Variants in ZNF644 observed in about 807,000 individuals in gnomAD.
ZNF644 encodes the protein zinc finger motif enhancer binding protein 2.
ZNF644 carries 20 observed loss-of-function variants against 108.0 expected under a neutral mutation model. The ratio of observed to expected loss-of-function variants is 0.19; its 90% CI spans 0.13 to 0.27. ZNF644 has a LOEUF of 0.27. Among genes scored for constraint, ZNF644 ranks in the 10% least tolerant of loss-of-function variants. The pLI is 1.00. For synonymous variants in ZNF644, 542 were observed against 539.1 expected, an observed-to-expected ratio of 1.01 and a Z score of -0.08; for missense variants, 1,338 against 1,548.9, an observed-to-expected ratio of 0.86 and a Z score of 2.29.
intron 1 of ZNF644, among the ~76,000 whole-genome samples, chr1:90,991,886 T>C (rs1336399370): frequency 2.6e-5 from 4 of 152,132 alleles, no homozygotes; most frequent in African/African-American, 9.7e-5. Flanking sequence ...GTCCATACCA[T>C]CCTTATTTGT....
chr1:90,937,318 A>T (rs1570373049), intron 4 of ZNF644, among the ~76,000 whole-genome samples, 167 bp downstream of exon 4: 3 of 152,006 alleles, frequency 2.0e-5, no homozygotes. Flanking sequence ...TCAATTGATG[A>T]GTTATACAGA....
chr1:90,962,099 C>T (rs1416987780), intron 2 of ZNF644, among the ~76,000 whole-genome samples: 1 of 152,014 alleles, frequency 6.6e-6, no homozygotes, highest in African/African-American at 2.4e-5. Flanking sequence ...GATAATTTGC[C>T]ACTCATGAAC....
At chr1:90,968,635 T>G (rs1231445494) in intron 2 of ZNF644, among the ~76,000 whole-genome samples, 1 of 152,186 alleles carries the variant, frequency 6.6e-6, no homozygotes, top group East Asian at 1.9e-4. Flanking sequence ...AGTACAAATT[T>G]TTACTGTTTC....
intron 1 of ZNF644, among the ~76,000 whole-genome samples, chr1:90,993,501 C>T (rs1207114539): frequency 2.0e-5 from 3 of 152,116 alleles, no homozygotes; most frequent in Non-Finnish European, 4.4e-5. Flanking sequence ...TTTAAATCAC[C>T]AAGTTTCAAA....
intron 1 of ZNF644, among the ~76,000 whole-genome samples, chr1:91,007,219 CATTTTG>C (rs1482498246): frequency 7.0e-5 from 8 of 114,240 alleles, no homozygotes; most frequent in Non-Finnish European, 1.3e-4. Flanking sequence ...CATTTTCTCC[CATTTTG>C]TTTTTTTTTT....
chr1:91,013,044 T>C (rs1045418816), intron 1 of ZNF644, among the ~76,000 whole-genome samples: 1 of 151,578 alleles, frequency 6.6e-6, no homozygotes, highest in Admixed American at 6.6e-5. Context: ...TCATATTAAT[T>C]CTCTCTAAAT....
chr1:90,990,111 T>G (rs1657496767), intron 1 of ZNF644, among the ~76,000 whole-genome samples: 1 of 152,058 alleles, frequency 6.6e-6, no homozygotes, highest in Non-Finnish European at 1.5e-5. Context: ...ATACCTAACA[T>G]AGTCAAAAAT....
intron 1 of ZNF644, among the ~76,000 whole-genome samples, chr1:90,992,812 C>T (rs1657771108): frequency 6.6e-6 from 1 of 152,066 alleles, no homozygotes; most frequent in South Asian, 2.1e-4. Context: ...TTTGGGAGGT[C>T]AAGGCAGGAG....
At chr1:90,923,525 C>A (rs1649703988) in intron 4 of ZNF644, among the ~76,000 whole-genome samples, 1 of 152,098 alleles carries the variant, frequency 6.6e-6, no homozygotes, top group South Asian at 2.1e-4. Context: ...TACAGTCAGG[C>A]ATGAAGTATA....
At chr1:90,969,937 T>C (rs142876675) in intron 2 of ZNF644, among the ~76,000 whole-genome samples, 3 of 152,250 alleles carry the variant, frequency 2.0e-5, no homozygotes, top group Non-Finnish European at 4.4e-5. Context: ...GCAGAACAAA[T>C]GAGATGTTTT....
intron 4 of ZNF644, among the ~76,000 whole-genome samples, chr1:90,936,096 C>T (rs1406912044): frequency 2.6e-5 from 4 of 152,148 alleles, no homozygotes; most frequent in African/African-American, 9.7e-5. Context: ...TCTGAATGCG[C>T]AATCAATAAT....
chr1:90,937,637 C>G lies in ZNF644; in HGVS notation c.3536G>C (p.Arg1179Thr). Residue 1179 changes from arginine (R) to threonine (T), a missense_variant, in exon 4 of 6, where the codon AGG (arginine) becomes ACG (threonine). This residue lies in a region of ZNF644 where 287 missense variants were observed against 310.9 expected (regional missense o/e 0.92). Coordinates refer to ENST00000337393, the MANE Select transcript of ZNF644 (RefSeq NM_201269.3). ...LTLIELLKNK[R>T]MGEERNSAIS... is the part of the protein sequence containing the mutation. Reference sequence around the variant, plus strand: ...AGCAGAATTCCTTTCTTCTCCCATCCTTTTATTTTTAAGAAGTTCTATGAG... The same window carrying G: ...AGCAGAATTCCTTTCTTCTCCCATCGTTTTATTTTTAAGAAGTTCTATGAG... 6.2e-7 allele frequency: 1 copy of G among 1,613,844 alleles called. No individual in the cohort carries two copies. Among genetic ancestry groups the G allele is most frequent in the Non-Finnish European group, 8.5e-7 (1 of 1,179,850 alleles).
chr1:90,942,912 T>C (rs373916027), intron 2 of ZNF644, among the ~76,000 whole-genome samples: 1 of 152,176 alleles, frequency 6.6e-6, no homozygotes, highest in African/African-American at 2.4e-5. Context: ...ATTCCAGATA[T>C]AATGGTAAAC....
intron 4 of ZNF644, among the ~76,000 whole-genome samples, chr1:90,929,478 AT>A (rs1231313260): frequency 6.6e-6 from 1 of 152,166 alleles, no homozygotes; most frequent in East Asian, 1.9e-4. Flanking sequence ...TAATAAGAAG[AT>A]CAAAATTTTC....
intron 2 of ZNF644, among the ~76,000 whole-genome samples, chr1:90,970,944 G>A (rs1655392880): frequency 7.4e-6 from 1 of 135,892 alleles, no homozygotes; most frequent in South Asian, 2.4e-4. Flanking sequence ...AGATTACAGT[G>A]AGCCGAGATC....
intron 2 of ZNF644, among the ~76,000 whole-genome samples, chr1:90,961,614 AT>A (rs1179384306): frequency 6.6e-6 from 1 of 152,124 alleles, no homozygotes; most frequent in Non-Finnish European, 1.5e-5. Context: ...CATTAAAGAG[AT>A]TTTTAAAACA....
intron 4 of ZNF644, among the ~76,000 whole-genome samples, chr1:90,933,557 G>T (rs191581137): frequency 1.3e-5 from 2 of 152,064 alleles, no homozygotes; most frequent in Admixed American, 1.3e-4. Flanking sequence ...CCAGCTACTC[G>T]GGAGGCTGAG....
chr1:90,972,780 T>C (rs933707701), intron 2 of ZNF644: 1 of 152,144 alleles, frequency 6.6e-6, no homozygotes, highest in African/African-American at 2.4e-5. Context: ...TTATGCAGAC[T>C]TAAAATGGGA....
At chr1:90,923,092 T>G (rs1327483416) in intron 4 of ZNF644, among the ~76,000 whole-genome samples, 1 of 152,180 alleles carries the variant, frequency 6.6e-6, no homozygotes, top group Non-Finnish European at 1.5e-5. Flanking sequence ...TCAGCTTTTA[T>G]CTTTCTTTCT....
Sources: allele counts gnomAD v4.1 joint callset (sites outside exome capture counted in the v4.1 genomes callset), GRCh38; gene constraint gnomAD v4.1.1; regional missense constraint gnomAD v4.1.1; transcripts MANE v1.5; gene names NCBI Gene and HGNC (gene_info 2026-07-23, HGNC 2026-07-21).